Variants in TTC28 observed in about 807,000 individuals in gnomAD.
TTC28 encodes tetratricopeptide repeat protein 28.
In TTC28, 61 loss-of-function variants were observed where a neutral mutation model predicts 198.0. That is an observed-to-expected ratio of 0.31 (90% CI 0.25 to 0.38). TTC28 has a LOEUF of 0.38. TTC28 is among the 10% of genes least tolerant of loss of function. TTC28 has a pLI of 1.00. For synonymous variants in TTC28, 1,171 were observed against 1,297.8 expected (o/e 0.90, Z 2.10); for missense variants, 2,678 against 3,164.0 (o/e 0.85, Z 3.69).
intron 2 of TTC28, chr22:28,629,325 C>T (rs1327637088): frequency 2.0e-6 from 1 of 503,428 alleles, no homozygotes; most frequent in Non-Finnish European, 3.4e-6. Flanking sequence ...ATTTAAATCT[C>T]ACACATACAG....
intron 6 of TTC28, among the ~76,000 whole-genome samples, chr22:28,113,838 T>C (rs557951923): frequency 5.9e-4 from 90 of 152,298 alleles, no homozygotes; most frequent in Non-Finnish European, 1.2e-3. Flanking sequence ...ATTTCAATAA[T>C]GGAAAATTAA....
rs541737027 is a variant in TTC28, at chr22:28,035,266, G to A, written c.3933-4900C>T. ...CAATTGCAACCCTGAAGCTGAAAACGACAGGCGAGAAACTCCATCTTCAGT... is the reference window on the plus strand; with the variant it reads ...CAATTGCAACCCTGAAGCTGAAAACAACAGGCGAGAAACTCCATCTTCAGT... On this transcript the variant is annotated intron_variant, in intron 12 of 22. Transcript: ENST00000397906. Among the ~76,000 whole-genome samples the A allele has an allele frequency of 1.8e-4, 28 of 152,128 alleles. No individual in the cohort carries two copies. The South Asian group carries it at 1.9e-3, about 10-fold the overall frequency.
At chr22:28,201,751 CAA>C (rs34790960) in intron 5 of TTC28, among the ~76,000 whole-genome samples, 45 of 80,936 alleles carry the variant, frequency 5.6e-4, no homozygotes, top group Admixed American at 8.2e-4. Context: ...TTACAGAAAG[CAA>C]AAAAAAAAAA....
intron 2 of TTC28, among the ~76,000 whole-genome samples, chr22:28,591,038 C>CATATATAT (rs2034288888): frequency 8.2e-5 from 2 of 24,524 alleles, no homozygotes; most frequent in African/African-American, 2.4e-4. Context: ...CACACACACA[C>CATATATAT]ACATATATAT....
intron 1 of TTC28, among the ~76,000 whole-genome samples, chr22:28,657,225 A>G (rs902606176): frequency 2.0e-5 from 3 of 152,226 alleles, no homozygotes; most frequent in African/African-American, 7.2e-5. Context: ...TCCAGAGTCC[A>G]TGATTTTGAC....
chr22:28,459,495 AC>A (rs1360107742), intron 2 of TTC28, among the ~76,000 whole-genome samples: 1 of 152,182 alleles, frequency 6.6e-6, no homozygotes, highest in Non-Finnish European at 1.5e-5. Flanking sequence ...GCAGGCAGAA[AC>A]TGCCTTGGTC....
At chr22:28,270,826 G>T (rs368674874) in intron 5 of TTC28, among the ~76,000 whole-genome samples, 1 of 151,958 alleles carries the variant, frequency 6.6e-6, no homozygotes, top group Non-Finnish European at 1.5e-5. Context: ...TTGGGCCCAG[G>T]AGTTTGAGAC....
intron 6 of TTC28, among the ~76,000 whole-genome samples, chr22:28,110,268 C>A (rs1041286408): frequency 6.6e-6 from 1 of 152,304 alleles, no homozygotes; most frequent in East Asian, 1.9e-4. Flanking sequence ...TGGGACCCAG[C>A]CATCTCTTTG....
chr22:28,138,014 G>GT (rs201792552), intron 6 of TTC28, among the ~76,000 whole-genome samples: 18 of 151,702 alleles, frequency 1.2e-4, no homozygotes, highest in South Asian at 8.4e-4. Flanking sequence ...AAACTCCGTT[G>GT]TTGTTTTTTT....
chr22:28,292,439 C>T (rs1196894221), intron 5 of TTC28, among the ~76,000 whole-genome samples: 1 of 152,166 alleles, frequency 6.6e-6, no homozygotes, highest in African/African-American at 2.4e-5. Context: ...CTGCCCACCT[C>T]GGCCTCCAAC....
chr22:28,614,642 C>T (rs991266444), intron 2 of TTC28, among the ~76,000 whole-genome samples: 31 of 152,148 alleles, frequency 2.0e-4, no homozygotes, highest in Non-Finnish European at 3.2e-4. Flanking sequence ...TAATGCCACA[C>T]ATCTACAGCC....
chr22:28,135,301 G>A (rs913441857), intron 6 of TTC28, among the ~76,000 whole-genome samples: 3 of 151,962 alleles, frequency 2.0e-5, no homozygotes, highest in Non-Finnish European at 2.9e-5. Context: ...TCTCTTTTAT[G>A]GGTAAGAAAA....
intron 12 of TTC28, among the ~76,000 whole-genome samples, chr22:28,077,109 A>G (rs1337767698): frequency 6.6e-6 from 1 of 152,122 alleles, no homozygotes; most frequent in Non-Finnish European, 1.5e-5. Flanking sequence ...TTTGTTGTTG[A>G]AACCTAATAG....
intron 2 of TTC28, among the ~76,000 whole-genome samples, chr22:28,388,963 A>G (rs2046665767): frequency 6.6e-6 from 1 of 152,076 alleles, no homozygotes. Context: ...ATTCAGTATG[A>G]TATTGGCTGT....
chr22:28,589,189 A>G (rs1375495058), intron 2 of TTC28, among the ~76,000 whole-genome samples: 3 of 152,184 alleles, frequency 2.0e-5, no homozygotes, highest in Non-Finnish European at 4.4e-5. Flanking sequence ...AGTTTATCCA[A>G]ATAATCCTGT....
intron 2 of TTC28, among the ~76,000 whole-genome samples, chr22:28,360,848 T>C (rs529042414): frequency 6.6e-6 from 1 of 152,352 alleles, no homozygotes; most frequent in African/African-American, 2.4e-5. Context: ...TGTCTCTGTG[T>C]CACATTTTGG....
chr22:28,264,729 A>G (rs535234445), intron 5 of TTC28, among the ~76,000 whole-genome samples: 8 of 152,188 alleles, frequency 5.3e-5, no homozygotes, highest in Non-Finnish European at 1.2e-4. Context: ...TGGAGCATCA[A>G]GGGAGTCAGA....
At chr22:28,536,052 GC>G (rs1485477853) in intron 2 of TTC28, among the ~76,000 whole-genome samples, 1 of 151,156 alleles carries the variant, frequency 6.6e-6, no homozygotes, top group African/African-American at 2.4e-5. Context: ...CAAAAAATTA[GC>G]TTGGCTTGGT....
chr22:28,255,288 A>G (rs1483592751), intron 5 of TTC28, among the ~76,000 whole-genome samples: 1 of 152,076 alleles, frequency 6.6e-6, no homozygotes, highest in East Asian at 1.9e-4. Context: ...CATTAGTGCA[A>G]ACACTATTTT....
Sources: allele counts gnomAD v4.1 joint callset (sites outside exome capture counted in the v4.1 genomes callset), GRCh38; gene constraint gnomAD v4.1.1; transcripts MANE v1.5; gene names NCBI Gene and HGNC (gene_info 2026-07-23, HGNC 2026-07-21).